Variants in GRM7 observed in about 807,000 individuals in gnomAD.
GRM7 encodes glutamate metabotropic receptor 7.
In GRM7, 35 loss-of-function variants were observed where a neutral mutation model predicts 84.5. The observed-to-expected ratio is 0.41, with a 90% CI of 0.32 to 0.55. The LOEUF (loss-of-function observed/expected upper bound fraction) is 0.55. GRM7 is among the 20% of genes least tolerant of loss of function. The pLI is 0.19. For synonymous variants in GRM7, 487 were observed against 455.1 expected (o/e 1.07, Z -0.89); for missense variants, 1,003 against 1,194.6 (o/e 0.84, Z 2.36).
chr3:7,683,311 C>G (rs1700452698), intron 9 of GRM7, among the ~76,000 whole-genome samples: 1 of 152,254 alleles, frequency 6.6e-6, no homozygotes, highest in South Asian at 2.1e-4. Context: ...GTATCTCTTT[C>G]CTTGCAAAAG....
chr3:7,113,709 T>C (rs1218167739), intron 1 of GRM7, among the ~76,000 whole-genome samples: 2 of 152,194 alleles, frequency 1.3e-5, no homozygotes, highest in African/African-American at 4.8e-5. Flanking sequence ...ATGGTGCATC[T>C]TATTAGTAGA....
intron 6 of GRM7, among the ~76,000 whole-genome samples, chr3:7,457,281 T>A (rs149019782): frequency 6.6e-6 from 1 of 152,300 alleles, no homozygotes; most frequent in East Asian, 1.9e-4. Flanking sequence ...CTAAAGGCAT[T>A]GATACAGTTT....
At chr3:7,102,990 A>G (rs1056453873) in intron 1 of GRM7, among the ~76,000 whole-genome samples, 2 of 151,668 alleles carry the variant, frequency 1.3e-5, no homozygotes, top group African/African-American at 2.4e-5. Flanking sequence ...CAATATATTT[A>G]TAATACCTGC....
chr3:7,354,261 C>G (rs1412793654), intron 4 of GRM7, among the ~76,000 whole-genome samples: 1 of 152,144 alleles, frequency 6.6e-6, no homozygotes, highest in Non-Finnish European at 1.5e-5. Flanking sequence ...TGAACTGACA[C>G]TGATTCCAGG....
At chr3:7,602,625 A>AAATGTAGTTCTC (rs1696372476) in intron 8 of GRM7, among the ~76,000 whole-genome samples, 1 of 152,146 alleles carries the variant, frequency 6.6e-6, no homozygotes, top group Admixed American at 6.6e-5. Context: ...GATTTCCAGA[A>AAATGTAGTTCTC]AATGTAGTTC....
intron 2 of GRM7, among the ~76,000 whole-genome samples, chr3:7,156,261 G>T (rs1432481871): frequency 5.3e-5 from 8 of 152,174 alleles, no homozygotes; most frequent in Admixed American, 4.6e-4. Flanking sequence ...GTCAGGAGAG[G>T]ATGGTCCTAG....
intron 1 of GRM7, among the ~76,000 whole-genome samples, chr3:7,079,514 CTT>C (rs60271856): frequency 1.3e-5 from 2 of 151,498 alleles, no homozygotes; most frequent in African/African-American, 4.8e-5. Context: ...TGAAACATTT[CTT>C]TTTTTTTATT....
intron 7 of GRM7, chr3:7,561,479 G>T (rs1205087876): frequency 2.2e-6 from 1 of 456,192 alleles, no homozygotes; most frequent in African/African-American, 2.0e-5. Flanking sequence ...AGAATTACAA[G>T]ATGATGTTAG....
intron 1 of GRM7, among the ~76,000 whole-genome samples, chr3:6,894,744 T>G (rs1696112287): frequency 6.6e-6 from 1 of 152,140 alleles, no homozygotes; most frequent in South Asian, 2.1e-4. Context: ...TAGGATAAAA[T>G]CAAGCATTTC....
intron 2 of GRM7, among the ~76,000 whole-genome samples, chr3:7,258,352 A>C (rs1435697429): frequency 6.6e-6 from 1 of 152,120 alleles, no homozygotes; most frequent in Non-Finnish European, 1.5e-5. Flanking sequence ...CAAGTTGAGA[A>C]AGTAGGCTTT....
chr3:7,109,682 G>C (rs570351916), intron 1 of GRM7, among the ~76,000 whole-genome samples: 1 of 152,082 alleles, frequency 6.6e-6, no homozygotes, highest in Non-Finnish European at 1.5e-5. Context: ...TGAGTTCTAT[G>C]TACTAAAAAT....
chr3:6,932,188 A>G (rs138382994), intron 1 of GRM7, among the ~76,000 whole-genome samples: 3 of 152,362 alleles, frequency 2.0e-5, no homozygotes, highest in Admixed American at 6.5e-5. Flanking sequence ...ATATTTTAAC[A>G]TGTACCTATA....
At chr3:7,721,775 A>C (rs1559505621) in intron 9 of GRM7, among the ~76,000 whole-genome samples, 2 of 152,224 alleles carry the variant, frequency 1.3e-5, no homozygotes, top group Admixed American at 1.3e-4. Flanking sequence ...GGTTGTATGC[A>C]AGACTAGCGG....
chr3:7,307,865 C>A (rs1700247404), intron 4 of GRM7, among the ~76,000 whole-genome samples: 1 of 152,160 alleles, frequency 6.6e-6, no homozygotes, highest in Non-Finnish European at 1.5e-5. Context: ...TCAAAATTCT[C>A]ACCCTCAAAG....
At chr3:7,253,155 C>G (rs1202041085) in intron 2 of GRM7, among the ~76,000 whole-genome samples, 1 of 151,918 alleles carries the variant, frequency 6.6e-6, no homozygotes, top group Non-Finnish European at 1.5e-5. Context: ...CTCCAGCACT[C>G]TCTATTTTAA....
chr3:7,095,773 A>G (rs1698835282), intron 1 of GRM7, among the ~76,000 whole-genome samples: 1 of 152,046 alleles, frequency 6.6e-6, no homozygotes, highest in Non-Finnish European at 1.5e-5. Context: ...ATTTTTTTCT[A>G]GTCTGCTGGT....
intron 7 of GRM7, among the ~76,000 whole-genome samples, chr3:7,545,728 G>C (rs1402291476): frequency 6.6e-6 from 1 of 152,122 alleles, no homozygotes; most frequent in Non-Finnish European, 1.5e-5. Context: ...AAAGAAGAAG[G>C]CAATTTTGAG....
Position 7,085,977 on chromosome 3 carries a change from G to A in GRM7, c.520-60475G>A, listed in dbSNP as rs142118789. Among the ~76,000 whole-genome samples the A allele has an allele frequency of 1.4e-4, 22 of 152,276 alleles. No homozygotes were observed. The East Asian group carries it at 4.1e-3, about 28-fold the overall frequency. On this transcript the variant is annotated intron_variant, in intron 1 of 9. Transcript: ENST00000357716. Reference sequence around the variant, plus strand: ...GATAGAAATAATAATGGCAAATTTTGAGTACTAATGACTTGGCTTTGGGTT... The same window carrying A: ...GATAGAAATAATAATGGCAAATTTTAAGTACTAATGACTTGGCTTTGGGTT...
intron 8 of GRM7, among the ~76,000 whole-genome samples, chr3:7,585,892 G>A (rs1398485568): frequency 1.3e-5 from 2 of 152,120 alleles, no homozygotes; most frequent in African/African-American, 4.8e-5. Flanking sequence ...CCAAATTCTC[G>A]GCTCCATAGA....
Sources: allele counts gnomAD v4.1 joint callset (sites outside exome capture counted in the v4.1 genomes callset), GRCh38; gene constraint gnomAD v4.1.1; transcripts MANE v1.5; gene names NCBI Gene and HGNC (gene_info 2026-07-23, HGNC 2026-07-21).